DERA: variants seen among roughly 807,000 people sequenced by gnomAD.
DERA encodes deoxyribose-phosphate aldolase, also known as 2-deoxy-D-ribose 5-phosphate aldolase.
In DERA, 15 loss-of-function variants were observed where a neutral mutation model predicts 41.1. The observed-to-expected ratio is 0.37, with a 90% CI of 0.24 to 0.56. The LOEUF (loss-of-function observed/expected upper bound fraction) is 0.56. DERA is among the 20% of genes least tolerant of loss of function. The pLI, the probability that DERA is intolerant of heterozygous loss-of-function variation, is 0.81. For missense variants in DERA, 396 were observed against 403.4 expected (o/e 0.98, Z 0.16); for synonymous variants, 139 against 137.4 (o/e 1.01, Z -0.08).
At chr12:15,917,639 A>G (rs1338506585) in intron 1 of DERA, among the ~76,000 whole-genome samples, 1 of 152,232 alleles carries the variant, frequency 6.6e-6, no homozygotes, top group Non-Finnish European at 1.5e-5. Context: ...ACTCAAATGC[A>G]GAACTTCTGA....
chr12:15,963,177 A>C (rs1948600056), intron 5 of DERA, among the ~76,000 whole-genome samples: 1 of 152,234 alleles, frequency 6.6e-6, no homozygotes, highest in African/African-American at 2.4e-5. Flanking sequence ...TGCTTAGGTG[A>C]ATAGTTACTT....
At position 15,936,748 on chromosome 12, in the gene DERA, A is replaced by G. The variant is rs770160828; in HGVS notation, c.32-20188A>G. Among the ~76,000 whole-genome samples the G allele has an allele frequency of 2.4e-4, 36 of 152,280 alleles. No individual in the cohort carries two copies. The highest frequency in any genetic ancestry group is 4.3e-4 in the Non-Finnish European group (29 of 68,022). ...AGAGCAGAACTCCCTTTTTAGTATC[A>G]TTATACTGGGTTATGTTTTGTGTAG... On this transcript the variant is annotated intron_variant, in intron 1 of 8. Coordinates refer to ENST00000428559, the MANE Select transcript of DERA (RefSeq NM_015954.4). The surrounding 1 kb of genome is among the most constrained non-coding windows in gnomAD (Gnocchi z 4.6).
At chr12:15,974,650 T>G (rs2136157361) in intron 5 of DERA, among the ~76,000 whole-genome samples, 1 of 152,352 alleles carries the variant, frequency 6.6e-6, no homozygotes, top group Admixed American at 6.5e-5. Flanking sequence ...TATTTTGCAT[T>G]TTAATAAGTA....
intron 1 of DERA, among the ~76,000 whole-genome samples, chr12:15,927,911 A>G (rs1948299485): frequency 6.6e-6 from 1 of 152,190 alleles, no homozygotes; most frequent in Non-Finnish European, 1.5e-5. Context: ...TAAAAACCAT[A>G]TAAGGGAAGA....
rs980387448 is a variant in DERA at position 16,012,211 on chromosome 12, A to G, written c.638-20331A>G. On this transcript the variant is annotated intron_variant, in intron 6 of 8. Transcript: ENST00000428559. The surrounding 1 kb of genome is among the most constrained non-coding windows in gnomAD (Gnocchi z 4.1). ...GTTGAGTTGAGCACAGAGATGTGATACAAGTCCTACACAGTCATGAGTTTA... is the reference window on the plus strand; with the variant it reads ...GTTGAGTTGAGCACAGAGATGTGATGCAAGTCCTACACAGTCATGAGTTTA... Among the ~76,000 whole-genome samples, 3 of 152,188 alleles carry G rather than the reference A, an allele frequency of 2.0e-5. No individual in the cohort carries two copies. The highest frequency in any genetic ancestry group is 4.4e-5 in the Non-Finnish European group (3 of 68,034).
intron 5 of DERA, among the ~76,000 whole-genome samples, chr12:15,975,979 G>T (rs1199429304): frequency 6.6e-6 from 1 of 152,084 alleles, no homozygotes; most frequent in Non-Finnish European, 1.5e-5. Context: ...TTGTTTCTAG[G>T]CCCTCTTGTC....
rs1003014281 is a variant in DERA at position 15,918,984 on chromosome 12, A to C, written c.31+7570A>C. On this transcript the variant is annotated intron_variant, in intron 1 of 8. Transcript: ENST00000428559. This position sits in a 1 kb window ranked among gnomAD's most constrained non-coding sequence, Gnocchi z 4.3. ...AGAGTAATGTTTTCATGAAGAAAGAAAAAAAATCCTTCATAGCCTATGTGT... is the reference window on the plus strand; with the variant it reads ...AGAGTAATGTTTTCATGAAGAAAGACAAAAAATCCTTCATAGCCTATGTGT... Among the ~76,000 whole-genome samples, 1 of 151,898 alleles carries C rather than the reference A, an allele frequency of 6.6e-6. No individual in the cohort carries two copies. Among genetic ancestry groups the C allele is most frequent in the Non-Finnish European group, 1.5e-5 (1 of 67,970 alleles).
In DERA at chr12:15,981,483, G is replaced by A. The variant is rs542503105; in HGVS notation, c.509-825G>A. On this transcript the variant is annotated intron_variant, in intron 5 of 8. Coordinates refer to ENST00000428559, the MANE Select transcript of DERA (RefSeq NM_015954.4). The surrounding 1 kb of genome is among the most constrained non-coding windows in gnomAD (Gnocchi z 6.1). ...AAATGATAGTGGCCGGCCTGAAAAA[G>A]CCAAAATTCACTAGTATCATTGACA... Among the ~76,000 whole-genome samples the A allele has an allele frequency of 6.6e-6, 1 of 152,172 alleles. No homozygotes were observed. The highest frequency in any genetic ancestry group is 1.5e-5 in the Non-Finnish European group (1 of 68,026).
intron 5 of DERA, among the ~76,000 whole-genome samples, chr12:15,979,080 C>T (rs906975956): frequency 6.6e-6 from 1 of 152,094 alleles, no homozygotes. Flanking sequence ...TTTTTGTCTA[C>T]AATACTATAC....
Position 16,009,582 on chromosome 12 carries a change from T to C in DERA, c.638-22960T>C, listed in dbSNP as rs1948934406. Among the ~76,000 whole-genome samples the C allele has an allele frequency of 6.6e-6, 1 of 152,232 alleles. No homozygotes were observed. Among genetic ancestry groups the C allele is most frequent in the Non-Finnish European group, 1.5e-5 (1 of 68,030 alleles). On this transcript the variant is annotated intron_variant, in intron 6 of 8. Transcript: ENST00000428559. This position sits in a 1 kb window ranked among gnomAD's most constrained non-coding sequence, Gnocchi z 5.3. ...CCCAGTTTCCCAAATGCCTTTTTAC[T>C]TTGTAGGTTATCATTGTGAATCTCA...
At chr12:15,963,039 G>A in intron 5 of DERA, 92 bp downstream of exon 5, 6 of 1,459,020 alleles carry the variant, frequency 4.1e-6, no homozygotes, top group Non-Finnish European at 5.5e-6. Context: ...AGAGGTCACT[G>A]TTCTAGGTGA....
intron 1 of DERA, among the ~76,000 whole-genome samples, chr12:15,947,007 T>C (rs530393903): frequency 6.6e-6 from 1 of 152,226 alleles, no homozygotes; most frequent in Non-Finnish European, 1.5e-5. Context: ...CAGGAGCAGG[T>C]TGTTCAGTTT....
At chr12:16,031,720 C>G (rs2136189769) in intron 6 of DERA, among the ~76,000 whole-genome samples, 1 of 152,290 alleles carries the variant, frequency 6.6e-6, no homozygotes, top group African/African-American at 2.4e-5. Flanking sequence ...TAAAATCCTA[C>G]CTTTCCATTT....
At position 15,954,816 on chromosome 12, in the gene DERA, C is replaced by T. The variant is rs111896306; in HGVS notation, c.32-2120C>T. On this transcript the variant is annotated intron_variant, in intron 1 of 8. Coordinates refer to ENST00000428559, the MANE Select transcript of DERA (RefSeq NM_015954.4). The surrounding 1 kb of genome is among the most constrained non-coding windows in gnomAD (Gnocchi z 4.0). ...AAGGACTTCAGGGGTGTCCTGTGACCGATAAAGGACAGCCTGTCAAAGCCT... is the reference window on the plus strand; with the variant it reads ...AAGGACTTCAGGGGTGTCCTGTGACTGATAAAGGACAGCCTGTCAAAGCCT... Among the ~76,000 whole-genome samples the T allele has an allele frequency of 1.6e-4, 25 of 152,128 alleles. No homozygotes were observed. The highest frequency in any genetic ancestry group is 5.5e-4 in the African/African-American group (23 of 41,516).
rs1435453012 is a variant in DERA, at chr12:16,011,706, G to A, written c.638-20836G>A. Among the ~76,000 whole-genome samples the A allele has an allele frequency of 1.3e-5, 2 of 152,136 alleles. No homozygotes were observed. The highest frequency in any genetic ancestry group is 3.8e-4 in the East Asian group (2 of 5,202). ...TCAATAAGGTCAGCTATAGGAACTGGCCAAGAAGGAAAAATATTTTGATTT... is the reference window on the plus strand; with the variant it reads ...TCAATAAGGTCAGCTATAGGAACTGACCAAGAAGGAAAAATATTTTGATTT... On this transcript the variant is annotated intron_variant, in intron 6 of 8. Coordinates refer to ENST00000428559, the MANE Select transcript of DERA (RefSeq NM_015954.4). The surrounding 1 kb of genome is among the most constrained non-coding windows in gnomAD (Gnocchi z 4.7).
At chr12:15,969,441 G>A (rs1045499699) in intron 5 of DERA, among the ~76,000 whole-genome samples, 9 of 152,174 alleles carry the variant, frequency 5.9e-5, no homozygotes, top group East Asian at 1.9e-4. Context: ...ACCAGCAGAC[G>A]TAGTTCCAAA....
chr12:16,027,940 G>A (rs1478421133), intron 6 of DERA, among the ~76,000 whole-genome samples: 1 of 152,144 alleles, frequency 6.6e-6, no homozygotes, highest in Non-Finnish European at 1.5e-5. Context: ...TGTACAATTG[G>A]AATTTGAAAT....
intron 6 of DERA, among the ~76,000 whole-genome samples, chr12:16,002,195 C>A (rs550354200): frequency 6.8e-6 from 1 of 146,960 alleles, no homozygotes; most frequent in African/African-American, 2.5e-5. Flanking sequence ...CATGTGTTCT[C>A]ATTGTTCAAT....
chr12:16,024,245 T>C (rs770590741), intron 6 of DERA, among the ~76,000 whole-genome samples: 1 of 152,120 alleles, frequency 6.6e-6, no homozygotes, highest in Non-Finnish European at 1.5e-5. Flanking sequence ...TTTGAAGTAA[T>C]GGCCAGGAAC....
Sources: allele counts gnomAD v4.1 joint callset (sites outside exome capture counted in the v4.1 genomes callset), GRCh38; gene constraint gnomAD v4.1.1; non-coding constraint Gnocchi (gnomAD v3.1); transcripts MANE v1.5; gene names NCBI Gene and HGNC (gene_info 2026-07-23, HGNC 2026-07-21).